IQCF3: variants seen among roughly 807,000 people sequenced by gnomAD.
IQCF3 encodes the protein IQ domain-containing protein F3.
Under a neutral mutation model 5.1 loss-of-function variants are expected in IQCF3, and 7 were observed. The observed-to-expected ratio is 1.36, with a 90% CI of 0.78 to 2.56. The LOEUF (loss-of-function observed/expected upper bound fraction) is 2.56, where lower values mean the gene tolerates loss of function less well. Ranked by LOEUF, IQCF3 falls within the 30% of genes most tolerant of loss-of-function variation. The pLI, the probability that IQCF3 is intolerant of heterozygous loss-of-function variation, is 0.00. For missense variants in IQCF3, 189 were observed against 196.5 expected (o/e 0.96, Z 0.23); for synonymous variants, 82 against 72.8 (o/e 1.13, Z -0.64).
upstream of IQCF3, chr3:51,827,295 G>C (rs1698298332): frequency 6.6e-6 from 1 of 152,174 alleles, no homozygotes; most frequent in African/African-American, 2.4e-5. Flanking sequence ...ATAGAGAGGA[G>C]AGCAGAAGGA....
At position 51,830,355 on chromosome 3, in the gene IQCF3, G is replaced by C; in HGVS notation, c.67-48G>C. 3 of 1,514,728 alleles carry C rather than the reference G, an allele frequency of 2.0e-6. No homozygotes were observed. The highest frequency in any genetic ancestry group is 2.6e-6 in the Non-Finnish European group (3 of 1,133,248). 93.8% of individuals were successfully genotyped at this position (1,514,728 alleles called of 1,614,324 possible). The stretch of plus-strand genomic sequence containing the variant: ...GCTGATTCTTTAGAGAACCACCTGT[G>C]CTTGATGGTGATAAATTCACTGGGA... On this transcript the variant is annotated intron_variant, in intron 2 of 2. Coordinates refer to ENST00000440739, the MANE Select transcript of IQCF3 (RefSeq NM_001393887.1). The surrounding 1 kb of genome is among the most constrained non-coding windows in gnomAD (Gnocchi z 4.1).
At chr3:51,829,389 C>A, upstream of IQCF3, 1 of 1,475,356 alleles carries the variant, frequency 6.8e-7, no homozygotes, top group Non-Finnish European at 9.3e-7. Flanking sequence ...ACATCACGGC[C>A]ATCTCTTTCT....
chr3:51,826,938 G>A (rs968568106), upstream of IQCF3: 1 of 152,570 alleles, frequency 6.6e-6, no homozygotes, highest in Non-Finnish European at 1.5e-5. Flanking sequence ...CAGTAAGTAG[G>A]AGAGTCCTCA....
At chr3:51,827,561 ATAAT>A (rs1449124149), upstream of IQCF3, among the ~76,000 whole-genome samples, 1 of 151,966 alleles carries the variant, frequency 6.6e-6, no homozygotes, top group Non-Finnish European at 1.5e-5. Flanking sequence ...ATGCTAGATT[ATAAT>A]TATTCATAAT....
At chr3:51,829,522 G>C in intron 1 of IQCF3, 29 bp downstream of exon 1, 1 of 1,596,552 alleles carries the variant, frequency 6.3e-7, no homozygotes, top group Non-Finnish European at 8.5e-7. Context: ...AACTCCCCCA[G>C]GGGTGGGAGT....
At chr3:51,828,601 T>C (rs1298918204), upstream of IQCF3, 1 of 152,246 alleles carries the variant, frequency 6.6e-6, no homozygotes, top group Admixed American at 6.5e-5. Flanking sequence ...GATTTTTGCA[T>C]AAATGTTTGT....
chr3:51,829,634 A>G (rs1466993576), intron 1 of IQCF3, 31 bp from the exon 2 acceptor site: 4 of 1,612,490 alleles, frequency 2.5e-6, no homozygotes, highest in Non-Finnish European at 3.4e-6. Context: ...GTCCTCACCC[A>G]TGCTCCCCCA....
upstream of IQCF3, among the ~76,000 whole-genome samples, chr3:51,827,627 T>C (rs1057398855): frequency 6.6e-6 from 1 of 152,094 alleles, no homozygotes; most frequent in African/African-American, 2.4e-5. Flanking sequence ...TACATGAAGT[T>C]CTTTTTTGTT....
chr3:51,827,162 A>C (rs528708778), upstream of IQCF3: 27 of 152,386 alleles, frequency 1.8e-4, no homozygotes, highest in African/African-American at 6.3e-4. Flanking sequence ...AAAAACAGAC[A>C]GGAAATGCAT....
chr3:51,829,626 C>A, intron 1 of IQCF3, 39 bp from the exon 2 acceptor site: 1 of 1,610,894 alleles, frequency 6.2e-7, no homozygotes, highest in South Asian at 1.1e-5. Context: ...TCAGGCTGGT[C>A]CTCACCCATG....
chr3:51,828,466 T>A (rs1036369315), upstream of IQCF3: 1 of 152,256 alleles, frequency 6.6e-6, no homozygotes, highest in African/African-American at 2.4e-5. Flanking sequence ...TTTATGTGAT[T>A]AATCACATTT....
chr3:51,830,288 C>T lies in IQCF3; in HGVS notation c.67-115C>T, dbSNP rs1428194793. 2.5e-6 allele frequency: 3 copies of T among 1,202,484 alleles called. No individual in the cohort carries two copies. The highest frequency in any genetic ancestry group is 3.0e-5 in the African/African-American group (2 of 65,626). The allele number at this position is 1,202,484 out of a possible 1,614,324, so 74.5% of individuals were successfully genotyped here. Reference sequence around the variant, plus strand: ...AACAGGACAGAAGTAGAGGACAAACCCCACCCAGGTCTCCTGGGTCCTCAA... The same window carrying T: ...AACAGGACAGAAGTAGAGGACAAACTCCACCCAGGTCTCCTGGGTCCTCAA... On this transcript the variant is annotated intron_variant, in intron 2 of 2. Coordinates refer to ENST00000440739, the MANE Select transcript of IQCF3 (RefSeq NM_001393887.1). The surrounding 1 kb of genome is among the most constrained non-coding windows in gnomAD (Gnocchi z 4.1).
chr3:51,829,633 C>T, intron 1 of IQCF3, 32 bp from the exon 2 acceptor site: 1 of 1,612,168 alleles, frequency 6.2e-7, no homozygotes, highest in Non-Finnish European at 8.5e-7. Context: ...GGTCCTCACC[C>T]ATGCTCCCCC....
chr3:51,829,184 G>C (rs1559721557), upstream of IQCF3: 2 of 466,484 alleles, frequency 4.3e-6, no homozygotes, highest in Admixed American at 7.3e-5. Context: ...AAAAATTAAA[G>C]ATAACTGTGG....
upstream of IQCF3, chr3:51,826,935 T>C (rs1698291947): frequency 6.6e-6 from 1 of 152,458 alleles, no homozygotes. Flanking sequence ...ATCCAGTAAG[T>C]AGGAGAGTCC....
chr3:51,829,824 G>T (rs1452822959), intron 2 of IQCF3, 112 bp downstream of exon 2: 2 of 1,056,462 alleles, frequency 1.9e-6, no homozygotes, highest in Non-Finnish European at 2.9e-6. Context: ...ATCCCCTCAA[G>T]CCCTCCCTCT....
At chr3:51,829,857 T>C in intron 2 of IQCF3, 145 bp downstream of exon 2, 1 of 794,444 alleles carries the variant, frequency 1.3e-6, no homozygotes, top group Non-Finnish European at 2.1e-6. Context: ...GAGTAAGGTA[T>C]GGAGATAGAC....
chr3:51,829,185 A>T (rs921896603), upstream of IQCF3: 18 of 470,828 alleles, frequency 3.8e-5, no homozygotes, highest in Non-Finnish European at 6.6e-5. Flanking sequence ...AAAATTAAAG[A>T]TAACTGTGGA....
upstream of IQCF3, chr3:51,828,157 A>T (rs1698312816): frequency 6.6e-6 from 1 of 150,606 alleles, no homozygotes; most frequent in African/African-American, 2.5e-5. Flanking sequence ...AACTTTTAGG[A>T]TCTTCTTTTT....
Sources: gnomAD v4.1 joint callset for allele counts (sites outside exome capture counted in the v4.1 genomes callset) on GRCh38, gnomAD v4.1.1 for gene constraint, Gnocchi (gnomAD v3.1) non-coding constraint, MANE v1.5 for transcripts, NCBI Gene and HGNC (gene_info 2026-07-23, HGNC 2026-07-21) for gene names.